Variants in PCDHA1 observed in about 807,000 individuals in gnomAD.
PCDHA1 encodes the protein protocadherin alpha-1.
PCDHA1 carries 42 observed loss-of-function variants against 61.3 expected under a neutral mutation model. That is an observed-to-expected ratio of 0.69 (90% CI 0.54 to 0.89). The LOEUF is 0.89. Ranked by LOEUF, PCDHA1 falls within the 40% of genes least tolerant of loss-of-function variation. PCDHA1 has a pLI of 0.00. For synonymous variants in PCDHA1, 610 were observed against 553.8 expected, an observed-to-expected ratio of 1.10 and a Z score of -1.43; for missense variants, 1,256 against 1,235.3, an observed-to-expected ratio of 1.02 and a Z score of -0.25.
chr5:140,933,405 T>C (rs2089126451), intron 1 of PCDHA1, among the ~76,000 whole-genome samples: 1 of 152,062 alleles, frequency 6.6e-6, no homozygotes, highest in African/African-American at 2.4e-5. Context: ...GGTTACCATC[T>C]ACAGATATTC....
chr5:140,935,016 T>C (rs997789296), intron 1 of PCDHA1, among the ~76,000 whole-genome samples: 6 of 152,322 alleles, frequency 3.9e-5, no homozygotes, highest in Admixed American at 6.5e-5. Flanking sequence ...TGAGTCTTAA[T>C]AGTCTTTTGA....
chr5:140,918,387 C>A (rs1554198606), intron 1 of PCDHA1, among the ~76,000 whole-genome samples: 1 of 152,142 alleles, frequency 6.6e-6, no homozygotes, highest in Non-Finnish European at 1.5e-5. Context: ...TTATTTCTTT[C>A]TCTTGCCTGA....
intron 1 of PCDHA1, chr5:140,797,189 C>G (rs1762195145): frequency 6.2e-7 from 1 of 1,614,148 alleles, no homozygotes. Flanking sequence ...CTGGTGTGCT[C>G]CAGCGCCGTG....
chr5:140,822,798 T>A (rs2150119412), intron 1 of PCDHA1: 1 of 1,614,188 alleles, frequency 6.2e-7, no homozygotes, highest in South Asian at 1.1e-5. Context: ...AACTCCTGGA[T>A]GTGAATGATA....
intron 1 of PCDHA1, chr5:140,857,917 G>A: frequency 6.3e-7 from 1 of 1,597,868 alleles, no homozygotes; most frequent in South Asian, 1.1e-5. Context: ...CGTTTCGCGT[G>A]GGGCTGTACA....
At chr5:140,835,793 G>T in intron 1 of PCDHA1, 1 of 1,613,102 alleles carries the variant, frequency 6.2e-7, no homozygotes, top group Non-Finnish European at 8.5e-7. Flanking sequence ...ACAACCCGCC[G>T]GGCTGCCACA....
At chr5:140,967,957 C>A in intron 1 of PCDHA1, 1 of 1,614,222 alleles carries the variant, frequency 6.2e-7, no homozygotes, top group Admixed American at 1.7e-5. Context: ...CAGGCCCCAA[C>A]CGGAAAGTGA....
chr5:140,850,103 C>A lies in PCDHA1; in HGVS notation c.2394+61419C>A, dbSNP rs2150467019. On this transcript the variant is annotated intron_variant, in intron 1 of 3. Transcript: ENST00000504120. Reference sequence around the variant, plus strand: ...TGGAGCTGCTACAGTTCCAGGTGAGCGCGCGCGACGCGGGCGTGCCGCCTC... The same window carrying A: ...TGGAGCTGCTACAGTTCCAGGTGAGAGCGCGCGACGCGGGCGTGCCGCCTC... The A allele has an allele frequency of 1.7e-5, 27 of 1,595,988 alleles. 3 individuals are homozygous for A. The highest frequency in any genetic ancestry group is 2.2e-5 in the East Asian group (1 of 44,852).
At chr5:140,945,125 T>G (rs405192) in intron 1 of PCDHA1, among the ~76,000 whole-genome samples, 86,337 of 151,830 alleles carry the variant, frequency 0.57, 25,231 homozygotes, top group African/African-American at 0.71. Flanking sequence ...AAAAATCAAC[T>G]TACAAAAATC....
chr5:140,955,813 G>A (rs1428196745), intron 1 of PCDHA1, among the ~76,000 whole-genome samples: 1 of 152,096 alleles, frequency 6.6e-6, no homozygotes, highest in Non-Finnish European at 1.5e-5. Context: ...TGTGTCCACT[G>A]TGATTTCCTT....
chr5:140,967,659 G>A, intron 1 of PCDHA1: 1 of 1,614,218 alleles, frequency 6.2e-7, no homozygotes, highest in Non-Finnish European at 8.5e-7. Flanking sequence ...TCCTTGAGCA[G>A]CTACACGTCG....
intron 1 of PCDHA1, among the ~76,000 whole-genome samples, chr5:140,819,033 C>T (rs1371427690): frequency 3.9e-5 from 6 of 152,058 alleles, no homozygotes; most frequent in Non-Finnish European, 5.9e-5. Flanking sequence ...TAGCACATTC[C>T]CTTATAGGGC....
chr5:140,836,021 C>T lies in PCDHA1; in HGVS notation c.2394+47337C>T, dbSNP rs2150250890. On this transcript the variant is annotated intron_variant, in intron 1 of 3. Transcript: ENST00000504120. ...GCGATGCGGGCGTGCCGCCTCTGGG[C>T]AGCAACGTGACGCTGCAGGTGTTCG... is the stretch of plus-strand genomic sequence containing the variant. The T allele has an allele frequency of 3.1e-6, 5 of 1,613,270 alleles. No homozygotes were observed. In the East Asian group the frequency reaches 8.9e-5, roughly 29 times the overall value.
At chr5:140,969,519 G>T in intron 1 of PCDHA1, 2 of 1,406,074 alleles carry the variant, frequency 1.4e-6, no homozygotes, top group Admixed American at 2.8e-5. Context: ...CTAAAGAATT[G>T]TTTTATTTTT....
At chr5:140,911,275 G>A (rs1048648150) in intron 1 of PCDHA1, among the ~76,000 whole-genome samples, 1 of 152,164 alleles carries the variant, frequency 6.6e-6, no homozygotes, top group Non-Finnish European at 1.5e-5. Context: ...AGTGTCCCCA[G>A]CTTCATCAGG....
intron 1 of PCDHA1, among the ~76,000 whole-genome samples, chr5:140,889,697 A>G (rs920897018): frequency 4.6e-5 from 7 of 152,294 alleles, no homozygotes; most frequent in Middle Eastern, 3.4e-3. Flanking sequence ...TATTATGGGC[A>G]TATTCCACAA....
At chr5:140,862,599 G>A (rs2047441695) in intron 1 of PCDHA1, 1 of 513,082 alleles carries the variant, frequency 1.9e-6, no homozygotes, top group East Asian at 5.2e-5. Context: ...AGTACATGGT[G>A]TTCGTGAAAG....
Sources: allele counts gnomAD v4.1 joint callset (sites outside exome capture counted in the v4.1 genomes callset), GRCh38; gene constraint gnomAD v4.1.1; transcripts MANE v1.5; gene names NCBI Gene and HGNC (gene_info 2026-07-23, HGNC 2026-07-21).